Variants in SYT17 observed in about 807,000 individuals in gnomAD.
The protein encoded by SYT17 is synaptotagmin-17.
In SYT17, 22 loss-of-function variants were observed where a neutral mutation model predicts 46.7. The ratio of observed to expected loss-of-function variants is 0.47; its 90% CI spans 0.34 to 0.67. The LOEUF is 0.67. SYT17 is among the 30% of genes least tolerant of loss of function. The probability of loss-of-function intolerance (pLI) is 0.01; values close to 1 mark genes in which losing one functional copy is unlikely to be tolerated. For missense variants in SYT17, 519 were observed against 612.8 expected (o/e 0.85, Z 1.62); for synonymous variants, 251 against 248.4 (o/e 1.01, Z -0.10).
At chr16:19,234,687 C>T (rs554750450) in intron 7 of SYT17, among the ~76,000 whole-genome samples, 2 of 152,290 alleles carry the variant, frequency 1.3e-5, no homozygotes, top group Admixed American at 6.5e-5. Context: ...GACACTGCCT[C>T]TCTGAGATCC....
At chr16:19,259,478 G>C (rs1409072470) in intron 7 of SYT17, among the ~76,000 whole-genome samples, 1 of 152,130 alleles carries the variant, frequency 6.6e-6, no homozygotes, top group Non-Finnish European at 1.5e-5. Flanking sequence ...TTCACCAAAT[G>C]GTTCCATTCT....
Position 19,206,066 on chromosome 16 carries a change from A to G in SYT17, c.952-16979A>G, listed in dbSNP as rs139314080. Among the ~76,000 whole-genome samples, 744 of 152,352 alleles carry G rather than the reference A, an allele frequency of 4.9e-3. 6 individuals are homozygous for G. The highest frequency in any genetic ancestry group is 0.017 in the African/African-American group (699 of 41,590). On this transcript the variant is annotated intron_variant, in intron 5 of 7. Transcript: ENST00000355377. ...CAGGACTAGAACTCATAAAGAAAGT[A>G]TATTTGGGTTACATAGTCAGTGTGA...
intron 5 of SYT17, among the ~76,000 whole-genome samples, chr16:19,203,117 T>C (rs2142748134): frequency 6.6e-6 from 1 of 152,202 alleles, no homozygotes; most frequent in East Asian, 1.9e-4. Flanking sequence ...GCATGAAAGA[T>C]CCCTTTACTG....
chr16:19,256,605 G>C (rs1408801712), intron 7 of SYT17, among the ~76,000 whole-genome samples: 1 of 150,360 alleles, frequency 6.7e-6, no homozygotes, highest in African/African-American at 2.5e-5. Context: ...TTGAGGCAGG[G>C]TCTTACTCTT....
At position 19,267,738 on chromosome 16, in the gene SYT17, G is replaced by T. The variant is rs557378852; in HGVS notation, c.*662G>T. 6.6e-6 allele frequency: 1 copy of T among 152,354 alleles called. No homozygotes were observed. The highest frequency in any genetic ancestry group is 2.1e-4 in the South Asian group (1 of 4,828). 9.4% of individuals were successfully genotyped at this position (152,354 alleles called of 1,614,324 possible). A position where few individuals can be genotyped will look rare whatever the true frequency, so the allele number is the denominator to read the frequency against. ...CTTGTGTTAGCTCATCCCAGGGAAC[G>T]CCCTGTGGGTATGTATGTGTATGTC... On this transcript the variant is annotated 3_prime_UTR_variant, in exon 8 of 8. Transcript: ENST00000355377.
At chr16:19,181,813 A>G (rs554718086) in intron 4 of SYT17, among the ~76,000 whole-genome samples, 1 of 152,074 alleles carries the variant, frequency 6.6e-6, no homozygotes, top group African/African-American at 2.4e-5. Flanking sequence ...CAGCCTGGCT[A>G]ACATGGTGAA....
chr16:19,183,141 A>T lies in SYT17; in HGVS notation c.332-387A>T, dbSNP rs566064413. Among the ~76,000 whole-genome samples, 1 of 152,340 alleles carries T rather than the reference A, an allele frequency of 6.6e-6. No individual in the cohort carries two copies. Among genetic ancestry groups the T allele is most frequent in the African/African-American group, 2.4e-5 (1 of 41,590 alleles). On this transcript the variant is annotated intron_variant, in intron 4 of 7. Transcript: ENST00000355377. This position sits in a 1 kb window ranked among gnomAD's most constrained non-coding sequence, Gnocchi z 5.6. Reference sequence around the variant, plus strand: ...GCCAGACTCTGGGGTCAGCTAGACCAGCCTGACCCCTGGCTCCTACACTTG... The same window carrying T: ...GCCAGACTCTGGGGTCAGCTAGACCTGCCTGACCCCTGGCTCCTACACTTG...
chr16:19,173,409 CA>C lies in SYT17; in HGVS notation c.34-20del. 2 of 1,406,504 alleles carry C rather than the reference CA, an allele frequency of 1.4e-6. No homozygotes were observed. The highest frequency in any genetic ancestry group is 9.6e-7 in the Non-Finnish European group (1 of 1,037,574). 87.1% of individuals were successfully genotyped at this position (1,406,504 alleles called of 1,614,324 possible). On this transcript the variant is annotated intron_variant, in intron 2 of 7. Coordinates refer to ENST00000355377, the MANE Select transcript of SYT17 (RefSeq NM_016524.4). ...CTCCCCTCTCCCCCATCCCCCCGCC[CA>C]CCTCCCCCAATGGCCTCAGGGTTTT...
chr16:19,264,004 G>A (rs928463724), intron 7 of SYT17, among the ~76,000 whole-genome samples: 5 of 152,214 alleles, frequency 3.3e-5, no homozygotes, highest in African/African-American at 1.2e-4. Context: ...ATTAGGTCAT[G>A]AAGGTTGGAG....
intron 3 of SYT17, among the ~76,000 whole-genome samples, chr16:19,178,177 G>T (rs974360445): frequency 1.3e-5 from 2 of 151,942 alleles, no homozygotes; most frequent in Middle Eastern, 3.2e-3. Context: ...CTGCCTCCCG[G>T]GTTCATGCCA....
intron 5 of SYT17, among the ~76,000 whole-genome samples, chr16:19,185,985 G>A (rs2142613501): frequency 6.6e-6 from 1 of 152,280 alleles, no homozygotes; most frequent in South Asian, 2.1e-4. Context: ...TGCGGTAGAG[G>A]AGCTGGCGTC....
intron 7 of SYT17, among the ~76,000 whole-genome samples, chr16:19,244,303 G>A (rs1047626363): frequency 6.6e-6 from 1 of 151,898 alleles, no homozygotes; most frequent in South Asian, 2.1e-4. Context: ...AGGTTTTGTG[G>A]TTTGACACCA....
chr16:19,240,673 G>C (rs1256829667), intron 7 of SYT17, among the ~76,000 whole-genome samples: 2 of 152,222 alleles, frequency 1.3e-5, no homozygotes, highest in African/African-American at 2.4e-5. Flanking sequence ...TTTGAAGGCG[G>C]GGCTTCACCA....
In SYT17 at chr16:19,216,082, C is replaced by T. The variant is rs147395421; in HGVS notation, c.952-6963C>T. 6.5e-3 allele frequency among the ~76,000 whole-genome samples: 993 copies of T among 152,180 alleles called. 15 individuals carry two copies. The highest frequency in any genetic ancestry group is 0.023 in the African/African-American group (935 of 41,506). On this transcript the variant is annotated intron_variant, in intron 5 of 7. Transcript: ENST00000355377. ...GTGGGAATTCAAGATGAGATTTGAG[C>T]GGGAACACATCCAAACCATATCAAC...
At chr16:19,246,387 A>C (rs1204430073) in intron 7 of SYT17, among the ~76,000 whole-genome samples, 1 of 149,128 alleles carries the variant, frequency 6.7e-6, no homozygotes, top group Non-Finnish European at 1.5e-5. Flanking sequence ...CCATTAATGA[A>C]TATTTGCAAT....
chr16:19,188,658 G>A (rs1290367678), intron 5 of SYT17, among the ~76,000 whole-genome samples: 1 of 152,074 alleles, frequency 6.6e-6, no homozygotes, highest in Non-Finnish European at 1.5e-5. Context: ...AAATTGAGTG[G>A]CTTAAAGCAA....
chr16:19,249,299 T>TAAATAAATAAATA (rs1295417593), intron 7 of SYT17, among the ~76,000 whole-genome samples: 3 of 151,260 alleles, frequency 2.0e-5, no homozygotes, highest in Non-Finnish European at 4.4e-5. Flanking sequence ...AATAAATAAA[T>TAAATAAATAAATA]AAATAAATAA....
chr16:19,229,067 G>A lies in SYT17; in HGVS notation c.1228+4229G>A, dbSNP rs117057219. ...AAGAGGGGTAAAATTGCTTTTCACC[G>A]CCCAAGATAGCAACACACAGCCCAG... is the stretch of plus-strand genomic sequence containing the variant. On this transcript the variant is annotated intron_variant, in intron 7 of 7. Transcript: ENST00000355377. 3.3e-3 allele frequency among the ~76,000 whole-genome samples: 499 copies of A among 152,198 alleles called. 3 individuals carry two copies. Among genetic ancestry groups the A allele is most frequent in the Non-Finnish European group, 3.1e-3 (210 of 68,018 alleles).
chr16:19,184,330 A>G (rs927962335), intron 5 of SYT17, among the ~76,000 whole-genome samples, 183 bp downstream of exon 5: 5 of 152,128 alleles, frequency 3.3e-5, no homozygotes, highest in African/African-American at 1.2e-4. Context: ...ATCCAGCATG[A>G]TAGCATCTTA....
Sources: allele counts gnomAD v4.1 joint callset (sites outside exome capture counted in the v4.1 genomes callset), GRCh38; gene constraint gnomAD v4.1.1; non-coding constraint Gnocchi (gnomAD v3.1); transcripts MANE v1.5; gene names NCBI Gene and HGNC (gene_info 2026-07-23, HGNC 2026-07-21).